Variants in GATD1 observed in about 807,000 individuals in gnomAD.
The protein encoded by GATD1 is glutamine amidotransferase class 1 domain containing 1.
In GATD1, 23 loss-of-function variants were observed where a neutral mutation model predicts 25.9. That is an observed-to-expected ratio of 0.89 (90% confidence interval 0.64 to 1.26). The LOEUF is 1.26. Ranked by LOEUF, GATD1 falls within the 50% of genes most tolerant of loss-of-function variation. The probability of loss-of-function intolerance (pLI) is 0.00; values close to 1 mark genes in which losing one functional copy is unlikely to be tolerated. For missense variants in GATD1, 347 were observed against 312.5 expected, an observed-to-expected ratio of 1.11 and a Z score of -0.83; for synonymous variants, 177 against 134.6, an observed-to-expected ratio of 1.31 and a Z score of -2.18.
rs756247688 is a variant in GATD1, at chr11:767,570, G to A, written c.*3327C>T. ...GCTGGGCTCAATGTCAGATCTGGCT[G>A]ACCAGAGGGGCTCAATGAGGCTCAC... On this transcript the variant is annotated 3_prime_UTR_variant, in exon 8 of 8. Transcript: ENST00000319863. The A allele has an allele frequency of 7.1e-6, 10 of 1,412,138 alleles. No homozygotes were observed. The highest frequency in any genetic ancestry group is 9.2e-6 in the Non-Finnish European group (10 of 1,088,182). 87.5% of individuals were successfully genotyped at this position (1,412,138 alleles called of 1,614,324 possible).
Position 771,065 on chromosome 11 carries a change from T to C in GATD1, c.584A>G (p.His195Arg), listed in dbSNP as rs1274963389. 1.2e-6 allele frequency: 2 copies of C among 1,611,306 alleles called. No individual in the cohort carries two copies. Among genetic ancestry groups the C allele is most frequent in the African/African-American group, 2.7e-5 (2 of 74,898 alleles). ...PDAVHVVLDRHLVTGQNASST... is the reference protein window; with the variant it reads ...PDAVHVVLDRRLVTGQNASST... ...GCTGGCATTCTGGCCTGTGACCAGG[T>C]GGCGGTCCAGCACGACGTGGACAGC... is the stretch of plus-strand genomic sequence containing the variant. The change falls in exon 7 of 8, where the codon CAC (histidine) becomes CGC (arginine). Residue 195 changes from histidine to arginine, a missense_variant. Physicochemically the swap from His to Arg is conservative, Grantham distance 29. Coordinates refer to ENST00000319863, the MANE Select transcript of GATD1 (RefSeq NM_182612.4).
chr11:771,379 C>T lies in GATD1; in HGVS notation c.498G>A (p.Pro166=), dbSNP rs780423900. Residue 166 remains proline, a synonymous_variant, in exon 6 of 8, where the codon CCG becomes CCA. Coordinates refer to ENST00000319863, the MANE Select transcript of GATD1 (RefSeq NM_182612.4). ...LVRAPGFARL[P]LVVEDFVKDS... ...CCTTCACGAAGTCCTCCACCACGAG[C>T]GGCAGGCGGGCGAAGCCGGGGGCCC... 20 of 1,581,324 alleles carry T rather than the reference C, an allele frequency of 1.3e-5. No homozygotes were observed. The highest frequency in any genetic ancestry group is 5.4e-5 in the Admixed American group (3 of 55,296).
In GATD1 at chr11:770,105, CA is replaced by C; in HGVS notation, c.*791del. ...TCTCCTGGACGCCCTAACCTGGGGC[CA>C]GGGGGCAGCCCGCTGGAGGGCCACA... On this transcript the variant is annotated 3_prime_UTR_variant, in exon 8 of 8. Transcript: ENST00000319863. 8.2e-7 allele frequency: 1 copy of C among 1,220,736 alleles called. No individual in the cohort carries two copies. Among genetic ancestry groups the C allele is most frequent in the Non-Finnish European group, 1.0e-6 (1 of 980,494 alleles). 75.6% of individuals were successfully genotyped at this position (1,220,736 alleles called of 1,614,324 possible).
intron 1 of GATD1, 66 bp downstream of exon 1, chr11:777,333 C>T (rs1000951522): frequency 2.5e-6 from 3 of 1,182,908 alleles, no homozygotes; most frequent in Non-Finnish European, 3.2e-6. Context: ...GTGTCCCGAA[C>T]CTCCCGCCCC....
intron 4 of GATD1, 59 bp downstream of exon 4, chr11:773,462 GA>G: frequency 7.3e-7 from 1 of 1,367,150 alleles, no homozygotes; most frequent in Non-Finnish European, 1.0e-6. Context: ...GCTGGTGGGA[GA>G]CCCATTTCTT....
At chr11:777,345 GGCA>G (rs1864106748) in intron 1 of GATD1, 51 bp downstream of exon 1, 1 of 1,239,662 alleles carries the variant, frequency 8.1e-7, no homozygotes, top group East Asian at 3.5e-5. Flanking sequence ...TCCCGCCCCG[GGCA>G]GCCCCCTCGC....
chr11:774,417 T>C (rs992147244), intron 2 of GATD1, among the ~76,000 whole-genome samples: 2 of 152,260 alleles, frequency 1.3e-5, no homozygotes, highest in Non-Finnish European at 1.5e-5. Flanking sequence ...CTGATATCCC[T>C]GGGTCCCCCA....
At chr11:777,180 A>C (rs1302031847) in intron 1 of GATD1, 37 of 102,900 alleles carry the variant, frequency 3.6e-4, no homozygotes, top group Middle Eastern at 3.3e-3. Context: ...CCCGAGCTCC[A>C]TCCCACCAAC....
rs1355027758 is a variant in GATD1 at position 770,967 on chromosome 11, G to A, written c.656+26C>T. 5 of 1,613,502 alleles carry A rather than the reference G, an allele frequency of 3.1e-6. No homozygotes were observed. In the Admixed American group the frequency reaches 5.0e-5, roughly 16 times the overall value. On this transcript the variant is annotated intron_variant, in intron 7 of 7. Transcript: ENST00000319863. Reference sequence around the variant, plus strand: ...ACCGGGTGCAGCTCTGATGTGGCAGGAATGTGCCCACCCTGGTGCCCTCAC... The same window carrying A: ...ACCGGGTGCAGCTCTGATGTGGCAGAAATGTGCCCACCCTGGTGCCCTCAC...
intron 1 of GATD1, among the ~76,000 whole-genome samples, chr11:776,323 T>A (rs1347458774): frequency 6.6e-6 from 1 of 152,154 alleles, no homozygotes. Flanking sequence ...CTGTAAAATG[T>A]CCACTTATCG....
intron 1 of GATD1, among the ~76,000 whole-genome samples, chr11:776,367 G>C (rs1255258964): frequency 6.6e-6 from 1 of 152,124 alleles, no homozygotes; most frequent in Non-Finnish European, 1.5e-5. Flanking sequence ...ACTGCCGCAG[G>C]CTCTGTTCCC....
Position 767,676 on chromosome 11 carries a change from G to A in GATD1, c.*3221C>T. On this transcript the variant is annotated 3_prime_UTR_variant, in exon 8 of 8. Coordinates refer to ENST00000319863, the MANE Select transcript of GATD1 (RefSeq NM_182612.4). ...TTAAGTCCTCACCTGCAAGGGGATG[G>A]TATTAGGTGGGGCATTTGGGAGGTC... 8.6e-7 allele frequency: 1 copy of A among 1,164,470 alleles called. No individual in the cohort carries two copies. Among genetic ancestry groups the A allele is most frequent in the Non-Finnish European group, 1.1e-6 (1 of 936,460 alleles). The allele number at this position is 1,164,470 out of a possible 1,614,324, so 72.1% of individuals were successfully genotyped here.
chr11:774,024 C>T lies in GATD1; in HGVS notation c.231G>A (p.Lys77=). 1.9e-6 allele frequency: 3 copies of T among 1,613,646 alleles called. No individual in the cohort carries two copies. Among genetic ancestry groups the T allele is most frequent in the Non-Finnish European group, 2.5e-6 (3 of 1,180,002 alleles). ...CGGGCCTACCATCGATGGACTCGAG[C>T]TTGGCGGGGCTGGCGTAAGCCTTGA... The part of the protein sequence containing the change: ...FRLKAYASPA[K]LESIDGARYH... The change falls in exon 3 of 8, where the codon AAG becomes AAA. Residue 77 remains lysine (K), a synonymous_variant. Coordinates refer to ENST00000319863, the MANE Select transcript of GATD1 (RefSeq NM_182612.4).
chr11:767,418 A>G lies in GATD1; in HGVS notation c.*3479T>C. On this transcript the variant is annotated 3_prime_UTR_variant, in exon 8 of 8. Transcript: ENST00000319863. ...GCACAGCGGGGAGGCTCTCCAAGCC[A>G]GAGGCCTCGCACGCAGCTGAGGAAT... 6.6e-7 allele frequency: 1 copy of G among 1,520,900 alleles called. No homozygotes were observed. Among genetic ancestry groups the G allele is most frequent in the South Asian group, 1.2e-5 (1 of 82,210 alleles). 94.2% of individuals were successfully genotyped at this position (1,520,900 alleles called of 1,614,324 possible).
chr11:775,686 G>A (rs1863890932), intron 1 of GATD1, among the ~76,000 whole-genome samples: 3 of 152,156 alleles, frequency 2.0e-5, no homozygotes, highest in South Asian at 2.1e-4. Context: ...CAGGGAAGCC[G>A]CTCAGAGGGA....
At chr11:773,097 TGTCCACCCCGGCCA>T (rs549969837) in intron 4 of GATD1, among the ~76,000 whole-genome samples, 117 of 152,250 alleles carry the variant, frequency 7.7e-4, no homozygotes, top group African/African-American at 2.8e-3. Flanking sequence ...AGCGCTGGCT[TGTCCACCCCGGCCA>T]GTGGACACAC....
At position 770,639 on chromosome 11, in the gene GATD1, C is replaced by A; in HGVS notation, c.*258G>T. ...CCCGAGGACCACCTAGCAGCTAGCACAGCTCTCCAGGCACGTGGGGTCTTT... is the reference window on the plus strand; with the variant it reads ...CCCGAGGACCACCTAGCAGCTAGCAAAGCTCTCCAGGCACGTGGGGTCTTT... On this transcript the variant is annotated 3_prime_UTR_variant, in exon 8 of 8. Transcript: ENST00000319863. 7.0e-7 allele frequency: 1 copy of A among 1,419,692 alleles called. No individual in the cohort carries two copies. The highest frequency in any genetic ancestry group is 9.2e-7 in the Non-Finnish European group (1 of 1,090,798). The allele number at this position is 1,419,692 out of a possible 1,614,324, so 87.9% of individuals were successfully genotyped here.
chr11:771,629 A>C (rs1044787701), intron 5 of GATD1, among the ~76,000 whole-genome samples: 3 of 152,170 alleles, frequency 2.0e-5, no homozygotes, highest in African/African-American at 7.2e-5. Context: ...TGTCCCTGAG[A>C]GCGACACGGC....
chr11:768,970 G>C lies in GATD1; in HGVS notation c.*1927C>G, dbSNP rs895765096. On this transcript the variant is annotated 3_prime_UTR_variant, in exon 8 of 8. Coordinates refer to ENST00000319863, the MANE Select transcript of GATD1 (RefSeq NM_182612.4). ...ACAAAAATTAGCCAGGCGTGGTGGC[G>C]CACACCTGTAATCCCAGCTACTCCG... The C allele has an allele frequency of 2.4e-4, 50 of 210,084 alleles. No individual in the cohort carries two copies. Among genetic ancestry groups the C allele is most frequent in the African/African-American group, 1.1e-3 (48 of 42,248 alleles). The allele number at this position is 210,084 out of a possible 1,614,324, so 13.0% of individuals were successfully genotyped here.
Sources: allele counts gnomAD v4.1 joint callset (sites outside exome capture counted in the v4.1 genomes callset), GRCh38; gene constraint gnomAD v4.1.1; transcripts MANE v1.5; gene names NCBI Gene and HGNC (gene_info 2026-07-23, HGNC 2026-07-21).